The following PIK3R3 variants were observed in gnomAD, a reference collection of about 807,000 sequenced individuals.
PIK3R3 encodes phosphoinositide-3-kinase regulatory subunit 3.
Under a neutral mutation model 62.9 loss-of-function variants are expected in PIK3R3, and 64 were observed. That is an observed-to-expected ratio of 1.02 (90% CI 0.83 to 1.25). The LOEUF (loss-of-function observed/expected upper bound fraction) is 1.25, where lower values mean the gene tolerates loss of function less well. Among genes scored for constraint, PIK3R3 ranks in the 50% most tolerant of loss-of-function variants. The pLI is 0.00. For synonymous variants in PIK3R3, 165 were observed against 189.0 expected (o/e 0.87, Z 1.04); for missense variants, 614 against 561.6 (o/e 1.09, Z -0.94).
At chr1:46,119,588 T>C (rs1297465537) in intron 1 of PIK3R3, among the ~76,000 whole-genome samples, 1 of 152,142 alleles carries the variant, frequency 6.6e-6, no homozygotes, top group Non-Finnish European at 1.5e-5. Context: ...AGGCACATCA[T>C]ACATTTTAAT....
At chr1:46,098,969 G>A (rs1652400878) in intron 1 of PIK3R3, among the ~76,000 whole-genome samples, 1 of 152,000 alleles carries the variant, frequency 6.6e-6, no homozygotes, top group Non-Finnish European at 1.5e-5. Flanking sequence ...CCCAGAGCTG[G>A]GATTATGGGC....
chr1:46,138,988 T>C, the PIK3R3 span: 1 of 152,250 alleles, frequency 6.6e-6, no homozygotes, highest in African/African-American at 2.4e-5. Context: ...GATGTCAGTG[T>C]GTGAAATTCT....
At chr1:46,163,261 A>T in the PIK3R3 span, among the ~76,000 whole-genome samples, 1 of 152,238 alleles carries the variant, frequency 6.6e-6, no homozygotes, top group Non-Finnish European at 1.5e-5. Flanking sequence ...TTTTTTAAAA[A>T]GTAAAATAAA....
chr1:46,095,156 TC>T (rs1275764875), intron 1 of PIK3R3, among the ~76,000 whole-genome samples: 3 of 152,142 alleles, frequency 2.0e-5, no homozygotes, highest in African/African-American at 7.2e-5. Context: ...ATATAAATCA[TC>T]CTATTATTAA....
upstream of PIK3R3, among the ~76,000 whole-genome samples, chr1:46,134,835 G>A (rs898553709): frequency 1.1e-4 from 17 of 152,276 alleles, no homozygotes; most frequent in Admixed American, 1.3e-4. Flanking sequence ...CAATCACCCA[G>A]GCTTTTCCCA....
At chr1:46,149,428 A>G in the PIK3R3 span, among the ~76,000 whole-genome samples, 6 of 150,976 alleles carry the variant, frequency 4.0e-5, no homozygotes, top group South Asian at 1.3e-3. Flanking sequence ...TCTCAAAAAA[A>G]AAAAAAAAAA....
At position 46,132,489 on chromosome 1, in the gene PIK3R3, C is replaced by T; in HGVS notation, c.-537G>A. The T allele has an allele frequency of 8.3e-7, 1 of 1,209,828 alleles. No homozygotes were observed. Among genetic ancestry groups the T allele is most frequent in the Non-Finnish European group, 1.1e-6 (1 of 950,396 alleles). 74.9% of individuals were successfully genotyped at this position (1,209,828 alleles called of 1,614,324 possible). On this transcript the variant is annotated 5_prime_UTR_variant, in exon 1 of 10. Transcript: ENST00000262741. ...CAGAGGCCGGGACTCGGGCTCCTCT[C>T]CGGTCGGTCTCGGAACCGAAGCTGC...
intron 5 of PIK3R3, 46 bp downstream of exon 5, chr1:46,066,008 T>G (rs374342394): frequency 1.1e-5 from 17 of 1,568,758 alleles, no homozygotes; most frequent in Non-Finnish European, 1.8e-6. Context: ...TTGATGTAAC[T>G]AAAACATTGC....
At chr1:46,164,531 C>G in the PIK3R3 span, among the ~76,000 whole-genome samples, 1 of 152,116 alleles carries the variant, frequency 6.6e-6, no homozygotes, top group Non-Finnish European at 1.5e-5. Context: ...AAACCAGCTT[C>G]AACAGGAGAA....
At chr1:46,049,603 T>G (rs777450620) in intron 7 of PIK3R3, among the ~76,000 whole-genome samples, 2 of 152,216 alleles carry the variant, frequency 1.3e-5, no homozygotes, top group African/African-American at 4.8e-5. Flanking sequence ...AATAGCCAGA[T>G]GGCAAGACCC....
chr1:46,159,973 C>T, the PIK3R3 span, among the ~76,000 whole-genome samples: 1 of 152,154 alleles, frequency 6.6e-6, no homozygotes, highest in African/African-American at 2.4e-5. Flanking sequence ...AGCAAAAACA[C>T]ACAAGCAAAC....
At chr1:46,056,052 C>CTTT in intron 6 of PIK3R3, 81 bp from the exon 7 acceptor site, 1 of 692,114 alleles carries the variant, frequency 1.4e-6, no homozygotes, top group Non-Finnish European at 2.2e-6. Flanking sequence ...TCCTAATATC[C>CTTT]TTTTTTTTTT....
intron 1 of PIK3R3, among the ~76,000 whole-genome samples, chr1:46,095,620 G>GT (rs1449856037): frequency 6.6e-6 from 1 of 152,042 alleles, no homozygotes; most frequent in Non-Finnish European, 1.5e-5. Flanking sequence ...GTTTACCTAT[G>GT]TAACAAACGT....
At chr1:46,096,978 A>G (rs1416837928) in intron 1 of PIK3R3, among the ~76,000 whole-genome samples, 1 of 151,814 alleles carries the variant, frequency 6.6e-6, no homozygotes, top group Non-Finnish European at 1.5e-5. Context: ...CCAGAAAAAG[A>G]AAACAAACAA....
At chr1:46,078,750 G>A (rs1384849369) in intron 2 of PIK3R3, among the ~76,000 whole-genome samples, 1 of 151,996 alleles carries the variant, frequency 6.6e-6, no homozygotes, top group Non-Finnish European at 1.5e-5. Flanking sequence ...ATGTCCAGAT[G>A]AATGGATTAA....
rs1451347916 is a variant in PIK3R3, at chr1:46,053,642, C to T, written c.941+2153G>A. Among the ~76,000 whole-genome samples, 13 of 152,202 alleles carry T rather than the reference C, an allele frequency of 8.5e-5. No homozygotes were observed. The South Asian group carries it at 2.7e-3, about 32-fold the overall frequency. The stretch of plus-strand genomic sequence containing the variant: ...CAGATCCTCACCCCTCACCAGACAC[C>T]AAATCTGCCAGTGCCTTGAGTTCGG... On this transcript the variant is annotated intron_variant, in intron 7 of 9. Coordinates refer to ENST00000262741, the MANE Select transcript of PIK3R3 (RefSeq NM_003629.4).
intron 1 of PIK3R3, among the ~76,000 whole-genome samples, chr1:46,113,061 T>A (rs1653876047): frequency 6.6e-6 from 1 of 152,182 alleles, no homozygotes; most frequent in Admixed American, 6.6e-5. Flanking sequence ...TTTCATAACA[T>A]CTTTCTTCTG....
the PIK3R3 span, among the ~76,000 whole-genome samples, chr1:46,138,355 A>C: frequency 6.6e-6 from 1 of 152,188 alleles, no homozygotes; most frequent in Admixed American, 6.5e-5. Context: ...TTATTGGATA[A>C]TTTTGGTTTA....
rs956826760 is a variant in PIK3R3 at position 46,132,559 on chromosome 1, G to C, written c.-607C>G. Reference sequence around the variant, plus strand: ...CCGGCCGGAGAAGTCCAGTCAGCTCGGCTTGTCTGGGCGCTCCCGCCGGGG... The same window carrying C: ...CCGGCCGGAGAAGTCCAGTCAGCTCCGCTTGTCTGGGCGCTCCCGCCGGGG... On this transcript the variant is annotated 5_prime_UTR_variant, in exon 1 of 10. Coordinates refer to ENST00000262741, the MANE Select transcript of PIK3R3 (RefSeq NM_003629.4). 2.3e-6 allele frequency: 3 copies of C among 1,279,258 alleles called. No individual in the cohort carries two copies. The highest frequency in any genetic ancestry group is 3.1e-6 in the Non-Finnish European group (3 of 983,086). The allele number at this position is 1,279,258 out of a possible 1,614,324, so 79.2% of individuals were successfully genotyped here.
Sources: gnomAD v4.1 joint callset for allele counts (sites outside exome capture counted in the v4.1 genomes callset) on GRCh38, gnomAD v4.1.1 for gene constraint, MANE v1.5 for transcripts, NCBI Gene and HGNC (gene_info 2026-07-23, HGNC 2026-07-21) for gene names.